The following AKT1 variants were observed in gnomAD, a reference collection of about 807,000 sequenced individuals.
AKT1 encodes the protein RAC-alpha serine/threonine-protein kinase.
AKT1 carries 21 observed loss-of-function variants against 63.1 expected under a neutral mutation model. The ratio of observed to expected loss-of-function variants is 0.33; its 90% CI spans 0.24 to 0.48. The LOEUF (loss-of-function observed/expected upper bound fraction) is 0.48. AKT1 is among the 20% of genes least tolerant of loss of function. The probability of loss-of-function intolerance (pLI) is 0.99; values close to 1 mark genes in which losing one functional copy is unlikely to be tolerated. For missense variants in AKT1, 382 were observed against 666.0 expected (o/e 0.57, Z 4.69); for synonymous variants, 257 against 253.1 (o/e 1.02, Z -0.15).
intron 3 of AKT1, among the ~76,000 whole-genome samples, chr14:104,789,118 C>T (rs1247100968): frequency 6.6e-6 from 1 of 152,224 alleles, no homozygotes; most frequent in Non-Finnish European, 1.5e-5. Context: ...AGCTCTTCCC[C>T]GGCCCCTCTC....
In AKT1 at chr14:104,789,107, C is replaced by G. The variant is rs1257237855; in HGVS notation, c.46+3491G>C. 2.6e-5 allele frequency among the ~76,000 whole-genome samples: 4 copies of G among 152,252 alleles called. No homozygotes were observed. In the East Asian group the frequency reaches 7.7e-4, roughly 29 times the overall value. ...AGCCTGCCGAAGGCAGCCAGGCCTG[C>G]AGCTCTTCCCCGGCCCCTCTCGGAC... On this transcript the variant is annotated intron_variant, in intron 3 of 14. Transcript: ENST00000649815.
intron 3 of AKT1, among the ~76,000 whole-genome samples, chr14:104,782,172 G>T (rs1353409432): frequency 1.3e-5 from 2 of 151,392 alleles, no homozygotes; most frequent in Non-Finnish European, 2.9e-5. Flanking sequence ...GCTGCATGCA[G>T]CCCACCCCAC....
At chr14:104,787,955 C>T (rs1893421247) in intron 3 of AKT1, among the ~76,000 whole-genome samples, 1 of 152,334 alleles carries the variant, frequency 6.6e-6, no homozygotes, top group Admixed American at 6.5e-5. Flanking sequence ...CTGATGCTGG[C>T]GGCCTCCACC....
intron 1 of AKT1, 147 bp from the exon 2 acceptor site, chr14:104,793,451 C>T (rs536323085): frequency 5.0e-6 from 1 of 200,838 alleles, no homozygotes; most frequent in Non-Finnish European, 1.0e-5. Flanking sequence ...GCGCCCCTGC[C>T]GGTCTGAATC....
intron 10 of AKT1, 25 bp downstream of exon 10, chr14:104,773,429 GC>G (rs749170452): frequency 3.1e-6 from 5 of 1,613,840 alleles, no homozygotes; most frequent in Non-Finnish European, 3.4e-6. Context: ...CCAGGGCCCT[GC>G]CCCCCTGCCT....
chr14:104,783,011 C>G (rs1893143787), intron 3 of AKT1, among the ~76,000 whole-genome samples: 1 of 152,174 alleles, frequency 6.6e-6, no homozygotes. Context: ...CTCCCTGATC[C>G]AGGACTGGGG....
chr14:104,776,786 GCCTCTGT>G lies in AKT1; in HGVS notation c.176-23_176-17del, dbSNP rs763840311. 1.3e-4 allele frequency: 203 copies of G among 1,608,088 alleles called. 1 individual carries two copies. The highest frequency in any genetic ancestry group is 6.7e-5 in the Admixed American group (4 of 59,874). On this transcript the variant is annotated splice_polypyrimidine_tract_variant and intron_variant, in intron 4 of 14. Transcript: ENST00000649815. ...AGCTGGCACTCTGCGGGCAGGCAGA[GCCTCTGT>G]CTGCGTGCATCCCCCTGCCCCTCCC...
In AKT1 at chr14:104,773,609, C is replaced by T. The variant is rs199937067; in HGVS notation, c.703-29G>A. On this transcript the variant is annotated intron_variant, in intron 9 of 14. Coordinates refer to ENST00000649815, the MANE Select transcript of AKT1 (RefSeq NM_001382430.1). ...CGGGAGGCGCAACCTGAGGCACAGC[C>T]GTGGCTCGGGCCTCTGCCCCCATGG... 1.9e-4 allele frequency: 306 copies of T among 1,588,190 alleles called. 2 individuals are homozygous for T. The South Asian group carries it at 3.2e-3, about 16-fold the overall frequency.
At chr14:104,771,384 CAG>C (rs1892378307) in intron 13 of AKT1, 1 of 231,838 alleles carries the variant, frequency 4.3e-6, no homozygotes, top group Non-Finnish European at 8.5e-6. Flanking sequence ...GAGGAGCTGC[CAG>C]AGAGCCCCTC....
In AKT1 at chr14:104,773,953, C is replaced by T. The variant is rs762040581; in HGVS notation, c.661G>A (p.Asp221Asn). Reference protein sequence around the residue: ...TALKYSFQTHDRLCFVMEYAN... With the variant: ...TALKYSFQTHNRLCFVMEYAN... ...TACTCCATGACAAAGCAGAGGCGGT[C>T]GTGGGTCTGGAAAGAGTACTTCAGG... Residue 221 changes from aspartate (D) to asparagine (N), a missense_variant, in exon 9 of 15, where the codon GAC (aspartate) becomes AAC (asparagine). Physicochemically the swap from Asp to Asn is conservative, Grantham distance 23 (BLOSUM62 1). Coordinates refer to ENST00000649815, the MANE Select transcript of AKT1 (RefSeq NM_001382430.1). The T allele has an allele frequency of 7.4e-6, 12 of 1,612,306 alleles. No homozygotes were observed. The highest frequency in any genetic ancestry group is 1.0e-5 in the Non-Finnish European group (12 of 1,179,114).
chr14:104,786,734 C>G (rs1357722505), intron 3 of AKT1, among the ~76,000 whole-genome samples: 1 of 152,110 alleles, frequency 6.6e-6, no homozygotes, highest in Non-Finnish European at 1.5e-5. Flanking sequence ...GAGGGTGCTC[C>G]TTCTGATCCC....
intron 4 of AKT1, chr14:104,777,773 G>A (rs181019413): frequency 2.7e-4 from 261 of 984,564 alleles, no homozygotes; most frequent in Non-Finnish European, 3.0e-4. Context: ...CCACAAGGGG[G>A]CCTGGCCAGG....
chr14:104,780,714 C>T (rs1257226239), intron 3 of AKT1, among the ~76,000 whole-genome samples: 1 of 101,468 alleles, frequency 9.9e-6, no homozygotes, highest in Middle Eastern at 3.8e-3. Flanking sequence ...AGCATGGCCG[C>T]CCCCCCCGCC....
intron 3 of AKT1, among the ~76,000 whole-genome samples, chr14:104,785,317 T>C (rs1893278325): frequency 6.6e-6 from 1 of 152,006 alleles, no homozygotes; most frequent in African/African-American, 2.4e-5. Flanking sequence ...CCTCGAACCC[T>C]GTAAACAACC....
rs1221539515 is a variant in AKT1 at position 104,770,365 on chromosome 14, G to A, written c.1419C>T (p.Ser473=). ...SERRPHFPQF[S]YSASGTA ...CTCAGGCCGTGCCGCTGGCCGAGTA[G>A]GAGAACTGGGGGAAGTGGGGCCTGC... Residue 473 remains serine (S), a synonymous_variant, in exon 15 of 15, where the codon TCC becomes TCT. Coordinates refer to ENST00000649815, the MANE Select transcript of AKT1 (RefSeq NM_001382430.1). 2 of 1,612,668 alleles carry A rather than the reference G, an allele frequency of 1.2e-6. No individual in the cohort carries two copies. Among genetic ancestry groups the A allele is most frequent in the Non-Finnish European group, 1.7e-6 (2 of 1,179,938 alleles).
Position 104,783,822 on chromosome 14 carries a change from G to A in AKT1, c.47-3606C>T, listed in dbSNP as rs544403535. On this transcript the variant is annotated intron_variant, in intron 3 of 14. Coordinates refer to ENST00000649815, the MANE Select transcript of AKT1 (RefSeq NM_001382430.1). ...CACCCGCTGCACATGTTTCAGACCC[G>A]GGACCTGGAGCAGGCAGGGTCCCAG... Among the ~76,000 whole-genome samples, 9 of 152,310 alleles carry A rather than the reference G, an allele frequency of 5.9e-5. No individual in the cohort carries two copies. In the South Asian group the frequency reaches 1.4e-3, roughly 25 times the overall value.
At chr14:104,775,597 C>A (rs1892653529) in intron 6 of AKT1, 55 bp downstream of exon 6, 4 of 1,591,196 alleles carry the variant, frequency 2.5e-6, no homozygotes, top group South Asian at 2.3e-5. Context: ...ACCCACCCAG[C>A]CCTCCACAGT....
Position 104,775,705 on chromosome 14 carries a change from T to C in AKT1, c.382A>G (p.Asn128Asp). The change falls in exon 6 of 15, where the codon AAC becomes GAC. Residue 128 changes from asparagine (N) to aspartate (D), a missense_variant. Coordinates refer to ENST00000649815, the MANE Select transcript of AKT1 (RefSeq NM_001382430.1). The stretch of plus-strand genomic sequence containing the variant: ...ACCTCCATCTCTTCAGCCCCTGAGT[T>C]GTCACTGGGTGAGCCCGACCGGAAG... ...MDFRSGSPSD[N>D]SGAEEMEVSL... The C allele has an allele frequency of 6.2e-7, 1 of 1,614,104 alleles. No homozygotes were observed. The highest frequency in any genetic ancestry group is 1.1e-5 in the South Asian group (1 of 91,082).
intron 5 of AKT1, 52 bp from the exon 6 acceptor site, chr14:104,775,851 C>G (rs769734492): frequency 1.9e-6 from 3 of 1,582,538 alleles, no homozygotes; most frequent in African/African-American, 2.7e-5. Flanking sequence ...GGAGCTCCAC[C>G]CCACGTCTTT....
Sources: allele counts gnomAD v4.1 joint callset (sites outside exome capture counted in the v4.1 genomes callset), GRCh38; gene constraint gnomAD v4.1.1; transcripts MANE v1.5; gene names NCBI Gene and HGNC (gene_info 2026-07-23, HGNC 2026-07-21).